ST7: variants seen among roughly 807,000 people sequenced by gnomAD.
The protein encoded by ST7 is suppression of tumorigenicity 7.
A neutral mutation model predicts 78.7 loss-of-function variants in ST7; 28 were observed. The observed-to-expected ratio is 0.36, with a 90% CI of 0.26 to 0.49. The LOEUF is 0.49. ST7 is among the 20% of genes least tolerant of loss of function. ST7 has a pLI of 0.99. For missense variants in ST7, 418 were observed against 696.0 expected (o/e 0.60, Z 4.49); for synonymous variants, 247 against 249.6 (o/e 0.99, Z 0.10).
rs1584653767 is a variant in ST7 at position 117,229,896 on chromosome 7, C to T, written c.*39C>T. On this transcript the variant is annotated 3_prime_UTR_variant, in exon 16 of 16. Transcript: ENST00000323984. ...CTCCACTCACCTCACCCGCCGCTGCCACCATCTCCTCTGTGCCAACTCCTT... is the reference window on the plus strand; with the variant it reads ...CTCCACTCACCTCACCCGCCGCTGCTACCATCTCCTCTGTGCCAACTCCTT... The T allele has an allele frequency of 7.2e-6, 11 of 1,536,776 alleles. No individual in the cohort carries two copies. The East Asian group carries it at 2.5e-4, about 35-fold the overall frequency.
At chr7:117,164,402 G>T (rs996187359) in intron 9 of ST7, among the ~76,000 whole-genome samples, 3 of 152,120 alleles carry the variant, frequency 2.0e-5, no homozygotes, top group African/African-American at 7.2e-5. Flanking sequence ...GATGATTTCA[G>T]AATGTGATAG....
intron 1 of ST7, among the ~76,000 whole-genome samples, chr7:117,000,952 C>G (rs1258899279): frequency 6.6e-6 from 1 of 152,226 alleles, no homozygotes; most frequent in Non-Finnish European, 1.5e-5. Flanking sequence ...TAGACATTCT[C>G]TGAAGCTTCT....
At chr7:117,225,228 G>A (rs1196858040) in intron 15 of ST7, among the ~76,000 whole-genome samples, 3 of 152,232 alleles carry the variant, frequency 2.0e-5, no homozygotes, top group South Asian at 2.1e-4. Flanking sequence ...GACTCAACTC[G>A]CCTCATTTCA....
rs1007507203 is a variant in ST7 at position 117,014,920 on chromosome 7, C to T, written c.151+61229C>T. On this transcript the variant is annotated intron_variant, in intron 1 of 15. Transcript: ENST00000323984. The stretch of plus-strand genomic sequence containing the variant: ...GGCAGGAGGCTTCCCCAGAACGGTT[C>T]GTCAGTCCAGGGAGCCGTTTCATTT... 3.6e-5 allele frequency: 44 copies of T among 1,237,252 alleles called. No homozygotes were observed. In the Admixed American group the frequency reaches 1.3e-3, roughly 36 times the overall value. The allele number at this position is 1,237,252 out of a possible 1,614,324, so 76.6% of individuals were successfully genotyped here. A position where few individuals can be genotyped will look rare whatever the true frequency, so the allele number is the denominator to read the frequency against.
intron 15 of ST7, among the ~76,000 whole-genome samples, chr7:117,227,373 G>T (rs1793515261): frequency 6.6e-6 from 1 of 152,110 alleles, no homozygotes; most frequent in African/African-American, 2.4e-5. Flanking sequence ...ATATAACTTT[G>T]CCAGCAATAT....
At chr7:117,215,490 C>T (rs1165960700) in intron 13 of ST7, among the ~76,000 whole-genome samples, 1 of 152,152 alleles carries the variant, frequency 6.6e-6, no homozygotes, top group Non-Finnish European at 1.5e-5. Flanking sequence ...AGCAGCCAGG[C>T]ACTATATGTG....
chr7:117,056,105 A>G (rs1798050316), intron 1 of ST7, among the ~76,000 whole-genome samples: 2 of 152,124 alleles, frequency 1.3e-5, no homozygotes, highest in African/African-American at 4.8e-5. Context: ...CACCAGATTA[A>G]GGGTGAGTCT....
intron 13 of ST7, among the ~76,000 whole-genome samples, chr7:117,212,542 T>C (rs1035939529): frequency 2.0e-5 from 3 of 152,234 alleles, no homozygotes; most frequent in Non-Finnish European, 4.4e-5. Flanking sequence ...TATAAAATTA[T>C]ATTTTGTTGT....
At chr7:117,221,564 G>A (rs1793092310) in intron 14 of ST7, among the ~76,000 whole-genome samples, 1 of 152,136 alleles carries the variant, frequency 6.6e-6, no homozygotes, top group Admixed American at 6.5e-5. Context: ...ATGAACACGT[G>A]TTTTGTAATT....
chr7:117,125,998 G>C (rs1255068898), intron 3 of ST7, among the ~76,000 whole-genome samples: 1 of 151,940 alleles, frequency 6.6e-6, no homozygotes, highest in Non-Finnish European at 1.5e-5. Flanking sequence ...TATGTAAAAA[G>C]GGTGTAATAT....
intron 1 of ST7, chr7:117,020,545 T>G: frequency 6.5e-7 from 1 of 1,543,014 alleles, no homozygotes; most frequent in Middle Eastern, 1.7e-4. Flanking sequence ...TCCTCGCTTT[T>G]CTTTCTTTTT....
chr7:117,028,955 G>T (rs1188756770), intron 1 of ST7, among the ~76,000 whole-genome samples: 1 of 152,106 alleles, frequency 6.6e-6, no homozygotes, highest in African/African-American at 2.4e-5. Flanking sequence ...AAATCCACAT[G>T]ACCTTTTACC....
At chr7:117,058,116 G>T (rs905251393) in intron 1 of ST7, among the ~76,000 whole-genome samples, 2 of 152,118 alleles carry the variant, frequency 1.3e-5, no homozygotes, top group Admixed American at 6.5e-5. Context: ...AGAGAATCAG[G>T]AATATTGATT....
intron 12 of ST7, among the ~76,000 whole-genome samples, chr7:117,194,848 A>G (rs1052853087): frequency 1.5e-4 from 23 of 152,194 alleles, no homozygotes; most frequent in African/African-American, 5.6e-4. Flanking sequence ...TCAGTGACCC[A>G]TCAACTACAC....
intron 12 of ST7, 48 bp from the exon 13 acceptor site, chr7:117,209,739 T>G: frequency 6.3e-7 from 1 of 1,582,486 alleles, no homozygotes; most frequent in Non-Finnish European, 8.6e-7. Flanking sequence ...TACTGAATTC[T>G]AAATTACTTA....
At chr7:117,076,267 A>T (rs1799332638) in intron 1 of ST7, among the ~76,000 whole-genome samples, 1 of 152,246 alleles carries the variant, frequency 6.6e-6, no homozygotes, top group Non-Finnish European at 1.5e-5. Flanking sequence ...CAAAGGTGGT[A>T]CAGAAACTAT....
intron 1 of ST7, among the ~76,000 whole-genome samples, chr7:117,099,062 A>AAAAAAAAAAAAAAAAAAAG (rs1801357578): frequency 7.0e-6 from 1 of 142,456 alleles, no homozygotes; most frequent in Non-Finnish European, 1.5e-5. Flanking sequence ...AAAAAAAAAA[A>AAAAAAAAAAAAAAAAAAAG]AAACAAAAAA....
At chr7:116,958,687 TGAGTCCCATGA>T in intron 1 of ST7, 1 of 471,164 alleles carries the variant, frequency 2.1e-6, no homozygotes, top group East Asian at 6.9e-5. Context: ...TGCAATAAAG[TGAGTCCCATGA>T]AATTTTTGGT....
chr7:116,962,186 T>C lies in ST7; in HGVS notation c.151+8495T>C, dbSNP rs140004483. On this transcript the variant is annotated intron_variant, in intron 1 of 15. Transcript: ENST00000323984. Reference sequence around the variant, plus strand: ...CACATTTTCTTTATCCAGTCTATCATTGATGGGCATTTGGGTTGGTTCCAT... The same window carrying C: ...CACATTTTCTTTATCCAGTCTATCACTGATGGGCATTTGGGTTGGTTCCAT... 9.1e-4 allele frequency among the ~76,000 whole-genome samples: 138 copies of C among 152,358 alleles called. 1 individual carries two copies. Among genetic ancestry groups the C allele is most frequent in the Middle Eastern group, 3.4e-3 (1 of 294 alleles).
Sources: gnomAD v4.1 joint callset for allele counts (sites outside exome capture counted in the v4.1 genomes callset) on GRCh38, gnomAD v4.1.1 for gene constraint, MANE v1.5 for transcripts, NCBI Gene and HGNC (gene_info 2026-07-23, HGNC 2026-07-21) for gene names.